The following SUMF1 variants were observed in gnomAD, a reference collection of about 807,000 sequenced individuals.
SUMF1 encodes sulfatase modifying factor 1.
In SUMF1, 48 loss-of-function variants were observed where a neutral mutation model predicts 47.6. That is an observed-to-expected ratio of 1.01 (90% confidence interval 0.80 to 1.28). The LOEUF (loss-of-function observed/expected upper bound fraction) is 1.28. SUMF1 is among the 50% of genes most tolerant of loss of function. The pLI, the probability that SUMF1 is intolerant of heterozygous loss-of-function variation, is 0.00. For missense variants in SUMF1, 571 were observed against 485.4 expected, an observed-to-expected ratio of 1.18 and a Z score of -1.66; for synonymous variants, 230 against 192.1, an observed-to-expected ratio of 1.20 and a Z score of -1.63.
At chr3:4,360,602 G>A (rs553803365), downstream of SUMF1, among the ~76,000 whole-genome samples, 2 of 152,190 alleles carry the variant, frequency 1.3e-5, no homozygotes, top group Admixed American at 6.5e-5. Flanking sequence ...CAAAGTGCTG[G>A]GGTTACAGGT....
At chr3:4,349,051 A>G (rs1575118235) in intron 8 of SUMF1, among the ~76,000 whole-genome samples, 1 of 152,388 alleles carries the variant, frequency 6.6e-6, no homozygotes, top group Non-Finnish European at 1.5e-5. Context: ...AACTGTCATC[A>G]GAGTGAACAA....
At chr3:4,172,701 T>C (rs201003267) in intron 8 of SUMF1, among the ~76,000 whole-genome samples, 1 of 149,038 alleles carries the variant, frequency 6.7e-6, no homozygotes, top group African/African-American at 2.5e-5. Context: ...TTGTTTTTTT[T>C]GTTTTTTGGG....
At chr3:4,052,334 C>A (rs1695126439) in intron 9 of SUMF1, among the ~76,000 whole-genome samples, 1 of 152,182 alleles carries the variant, frequency 6.6e-6, no homozygotes, top group African/African-American at 2.4e-5. Context: ...GGGTTAGGAA[C>A]TTAACATATA....
intron 8 of SUMF1, among the ~76,000 whole-genome samples, chr3:4,139,916 G>A (rs762340019): frequency 5.9e-5 from 9 of 151,924 alleles, no homozygotes; most frequent in African/African-American, 1.2e-4. Context: ...CTTGGCATAC[G>A]TAGTTCAATA....
At position 4,304,441 on chromosome 3, in the gene SUMF1, T is replaced by C. The variant is rs548712778; in HGVS notation, c.1014+71889A>G. Among the ~76,000 whole-genome samples the C allele has an allele frequency of 3.9e-5, 6 of 152,306 alleles. No individual in the cohort carries two copies. The South Asian group carries it at 1.2e-3, about 32-fold the overall frequency. On this transcript the variant is annotated intron_variant and NMD_transcript_variant, in intron 8 of 12. Transcript: ENST00000448413. ...ACAGGCATGAGCCACGCTCCCAGCC[T>C]CTACTGACTTTCTTATCCCTCCGAC...
rs181326453 is a variant in SUMF1, at chr3:4,404,007, T to C, written c.954+6858A>G. On this transcript the variant is annotated intron_variant, in intron 7 of 8. Transcript: ENST00000272902. ...GTGGAAACAAACGGTATTTCTAACA[T>C]TGTCCAAATGGTAACTGGAATTAGA... Among the ~76,000 whole-genome samples, 6 of 152,338 alleles carry C rather than the reference T, an allele frequency of 3.9e-5. No individual in the cohort carries two copies. The East Asian group carries it at 9.6e-4, about 24-fold the overall frequency.
Position 4,183,785 on chromosome 3 carries a change from G to A in SUMF1, c.1015-115040C>T, listed in dbSNP as rs554502615. 7.9e-5 allele frequency among the ~76,000 whole-genome samples: 12 copies of A among 152,236 alleles called. 1 individual carries two copies. The South Asian group carries it at 2.5e-3, about 32-fold the overall frequency. ...ATGGAAGGTGGCTAAAAGGAAATAG[G>A]ATTCTCATTAATTAAAACAAAGAAC... is the stretch of plus-strand genomic sequence containing the variant. On this transcript the variant is annotated intron_variant and NMD_transcript_variant, in intron 8 of 12. Coordinates refer to the SUMF1 transcript ENST00000448413.
At chr3:4,395,123 G>T (rs1700999813) in intron 7 of SUMF1, among the ~76,000 whole-genome samples, 2 of 152,074 alleles carry the variant, frequency 1.3e-5, no homozygotes, top group African/African-American at 4.8e-5. Context: ...AAATACTGAA[G>T]CTCAGAGAGA....
intron 8 of SUMF1, among the ~76,000 whole-genome samples, chr3:4,280,769 C>T (rs1369024583): frequency 2.0e-5 from 3 of 148,802 alleles, no homozygotes; most frequent in Non-Finnish European, 4.5e-5. Flanking sequence ...TCTGGTAGTT[C>T]CTTGGATTAT....
At chr3:4,456,773 C>CGTGT (rs369002229) in intron 1 of SUMF1, among the ~76,000 whole-genome samples, 2 of 4,060 alleles carry the variant, frequency 4.9e-4, no homozygotes, top group African/African-American at 1.1e-3. Context: ...TATATATACA[C>CGTGT]ATATATACGT....
chr3:4,144,457 C>T (rs764358058), intron 8 of SUMF1, among the ~76,000 whole-genome samples: 1 of 152,004 alleles, frequency 6.6e-6, no homozygotes, highest in African/African-American at 2.4e-5. Flanking sequence ...ATCTTTGAAG[C>T]AAGTTAGAGA....
intron 8 of SUMF1, among the ~76,000 whole-genome samples, chr3:4,335,971 A>AAAAAAAAAAAAAAC (rs1559230841): frequency 6.7e-6 from 1 of 149,740 alleles, no homozygotes; most frequent in African/African-American, 2.5e-5. Flanking sequence ...AAAAAAAAAA[A>AAAAAAAAAAAAAAC]AAAAAAAAAC....
chr3:4,141,285 G>C (rs1251390836), intron 8 of SUMF1, among the ~76,000 whole-genome samples: 2 of 152,106 alleles, frequency 1.3e-5, no homozygotes, highest in African/African-American at 4.8e-5. Flanking sequence ...TGTGCATACT[G>C]GAGTTAGGCA....
chr3:4,168,085 G>C (rs1694752279), intron 8 of SUMF1, among the ~76,000 whole-genome samples: 2 of 152,078 alleles, frequency 1.3e-5, no homozygotes, highest in African/African-American at 4.8e-5. Flanking sequence ...CCAATACAGA[G>C]CCTCTATTTT....
At chr3:4,390,653 G>A (rs1700830773) in intron 7 of SUMF1, among the ~76,000 whole-genome samples, 1 of 152,136 alleles carries the variant, frequency 6.6e-6, no homozygotes, top group South Asian at 2.1e-4. Flanking sequence ...CACGATCTTG[G>A]CTCACTGCAG....
intron 8 of SUMF1, among the ~76,000 whole-genome samples, chr3:4,104,512 G>C (rs1381915934): frequency 2.6e-5 from 4 of 152,046 alleles, no homozygotes; most frequent in South Asian, 2.1e-4. Flanking sequence ...TAGCTTCCCA[G>C]AGAGGTTATC....
intron 8 of SUMF1, among the ~76,000 whole-genome samples, chr3:4,149,460 C>T (rs1282851513): frequency 1.3e-5 from 2 of 152,148 alleles, no homozygotes; most frequent in African/African-American, 4.8e-5. Context: ...GCTTGCAACA[C>T]CTCTACCACA....
At chr3:4,107,305 G>A (rs1375525248) in intron 8 of SUMF1, among the ~76,000 whole-genome samples, 1 of 152,090 alleles carries the variant, frequency 6.6e-6, no homozygotes, top group Non-Finnish European at 1.5e-5. Flanking sequence ...TTAACCTTAG[G>A]AATACAGGCA....
intron 8 of SUMF1, among the ~76,000 whole-genome samples, chr3:4,116,463 G>C (rs1693426690): frequency 6.6e-6 from 1 of 152,106 alleles, no homozygotes; most frequent in Admixed American, 6.5e-5. Context: ...CTAGATGGAG[G>C]TGTGAAGAAG....
Sources: allele counts gnomAD v4.1 joint callset (sites outside exome capture counted in the v4.1 genomes callset), GRCh38; gene constraint gnomAD v4.1.1; transcripts MANE v1.5; gene names NCBI Gene and HGNC (gene_info 2026-07-23, HGNC 2026-07-21).